Variants in INSYN2A observed in about 807,000 individuals in gnomAD.
The protein encoded by INSYN2A is inhibitory synaptic factor 2A.
A neutral mutation model predicts 39.4 loss-of-function variants in INSYN2A; 17 were observed. The ratio of observed to expected loss-of-function variants is 0.43; its 90% CI spans 0.30 to 0.65. The LOEUF is 0.65. Among genes scored for constraint, INSYN2A ranks in the 30% least tolerant of loss-of-function variants. The pLI, the probability that INSYN2A is intolerant of heterozygous loss-of-function variation, is 0.14. For synonymous variants in INSYN2A, 255 were observed against 265.7 expected, an observed-to-expected ratio of 0.96 and a Z score of 0.39; for missense variants, 595 against 631.2, an observed-to-expected ratio of 0.94 and a Z score of 0.61.
chr10:127,163,469 C>T (rs939829359), intron 4 of INSYN2A, among the ~76,000 whole-genome samples: 3 of 152,082 alleles, frequency 2.0e-5, no homozygotes, highest in African/African-American at 7.2e-5. Context: ...CAGTGCCCAC[C>T]TCAGGGCCAG....
intron 4 of INSYN2A, among the ~76,000 whole-genome samples, chr10:127,162,094 T>A (rs1162809375): frequency 6.6e-6 from 1 of 152,206 alleles, no homozygotes; most frequent in Non-Finnish European, 1.5e-5. Flanking sequence ...TGATATTGTC[T>A]GATTGGTTTC....
chr10:127,142,467 G>A (rs1454100064), intron 5 of INSYN2A, among the ~76,000 whole-genome samples: 2 of 152,166 alleles, frequency 1.3e-5, no homozygotes, highest in Admixed American at 1.3e-4. Context: ...TTACTCCTGG[G>A]GAGGAGCAGC....
chr10:127,137,079 A>C lies in INSYN2A; in HGVS notation c.*758T>G, dbSNP rs999195337. ...TGAGATCTAAGAAAACTTAGTGTCC[A>C]ATAGCTCTGACCCTGTCTACTTGCA... On this transcript the variant is annotated 3_prime_UTR_variant, in exon 6 of 6. Transcript: ENST00000522781. The C allele has an allele frequency of 6.6e-6, 1 of 152,666 alleles. No homozygotes were observed. Among genetic ancestry groups the C allele is most frequent in the Non-Finnish European group, 1.5e-5 (1 of 68,038 alleles). 9.5% of individuals were successfully genotyped at this position (152,666 alleles called of 1,614,324 possible). A position where few individuals can be genotyped will look rare whatever the true frequency, so the allele number is the denominator to read the frequency against.
Position 127,143,301 on chromosome 10 carries a change from C to T in INSYN2A, c.1257-5281G>A, listed in dbSNP as rs560755663. ...CCTTTGTCTTTGGGGTCTCTAGCCT[C>T]GACAGGGCCATGTGGCTCGGTGGCC... is the stretch of plus-strand genomic sequence containing the variant. On this transcript the variant is annotated intron_variant, in intron 5 of 5. Coordinates refer to ENST00000522781, the MANE Select transcript of INSYN2A (RefSeq NM_001039762.3). 7.2e-5 allele frequency among the ~76,000 whole-genome samples: 11 copies of T among 152,284 alleles called. No homozygotes were observed. The East Asian group carries it at 1.9e-3, about 27-fold the overall frequency.
intron 5 of INSYN2A, among the ~76,000 whole-genome samples, chr10:127,149,833 G>T (rs1338660999): frequency 6.6e-6 from 1 of 152,194 alleles, no homozygotes; most frequent in East Asian, 1.9e-4. Flanking sequence ...CAATCCCGGG[G>T]TGTTCCAGGC....
At chr10:127,163,030 T>C (rs2053727149) in intron 4 of INSYN2A, among the ~76,000 whole-genome samples, 1 of 152,132 alleles carries the variant, frequency 6.6e-6, no homozygotes, top group African/African-American at 2.4e-5. Context: ...GGGCCCGGCT[T>C]CTCTCTTCCC....
chr10:127,168,761 G>T (rs949523834), intron 4 of INSYN2A, among the ~76,000 whole-genome samples: 3 of 152,182 alleles, frequency 2.0e-5, no homozygotes, highest in Admixed American at 6.5e-5. Context: ...AGCCTGGGAA[G>T]CCAGGAAATC....
At chr10:127,161,765 G>T (rs2053612212) in intron 4 of INSYN2A, among the ~76,000 whole-genome samples, 2 of 152,132 alleles carry the variant, frequency 1.3e-5, no homozygotes, top group African/African-American at 2.4e-5. Context: ...TTGCCATGTT[G>T]TCATGGCAGG....
intron 4 of INSYN2A, among the ~76,000 whole-genome samples, chr10:127,156,873 T>C (rs536734148): frequency 2.6e-5 from 4 of 152,200 alleles, no homozygotes; most frequent in Non-Finnish European, 4.4e-5. Context: ...TGGCCCGAGA[T>C]ATTGCTCTTC....
intron 2 of INSYN2A, among the ~76,000 whole-genome samples, chr10:127,178,469 T>C (rs1378664700): frequency 6.6e-6 from 1 of 152,124 alleles, no homozygotes; most frequent in South Asian, 2.1e-4. Flanking sequence ...TCCCTCCCAG[T>C]GTGACAACTA....
At chr10:127,192,755 T>C (rs946979010) in intron 1 of INSYN2A, 25 bp from the exon 2 acceptor site, 1 of 152,216 alleles carries the variant, frequency 6.6e-6, no homozygotes, top group African/African-American at 2.4e-5. Flanking sequence ...TTATCACACA[T>C]GGTCCAAAGG....
At chr10:127,147,160 A>G (rs2051947612) in intron 5 of INSYN2A, among the ~76,000 whole-genome samples, 1 of 152,192 alleles carries the variant, frequency 6.6e-6, no homozygotes, top group Non-Finnish European at 1.5e-5. Flanking sequence ...CATTTGGGGA[A>G]GGAACTTGCC....
intron 2 of INSYN2A, among the ~76,000 whole-genome samples, chr10:127,189,887 T>G (rs1223821409): frequency 6.8e-6 from 1 of 147,246 alleles, no homozygotes; most frequent in Non-Finnish European, 1.5e-5. Context: ...AATTGGTGGG[T>G]CTGGCACAGA....
intron 4 of INSYN2A, among the ~76,000 whole-genome samples, chr10:127,170,341 C>A (rs769050833): frequency 2.6e-5 from 4 of 152,170 alleles, no homozygotes; most frequent in Non-Finnish European, 4.4e-5. Flanking sequence ...GCTCTCTCCC[C>A]CTACCCCAAG....
At position 127,176,234 on chromosome 10, in the gene INSYN2A, C is replaced by T. The variant is rs1162029657; in HGVS notation, c.162G>A (p.Glu54=). ...ALQVRFKDIC[E]AQNEQRDTQL... The stretch of plus-strand genomic sequence containing the variant: ...GTGTGTCCCTCTGCTCATTCTGTGC[C>T]TCGCAGATATCCTTAAACCGCACCT... The change falls in exon 4 of 6, where the codon GAG becomes GAA. Residue 54 remains glutamate (E), a synonymous_variant. Transcript: ENST00000522781. This position sits in a 1 kb window ranked among gnomAD's most constrained non-coding sequence, Gnocchi z 4.4. 1.7e-5 allele frequency: 28 copies of T among 1,614,036 alleles called. No individual in the cohort carries two copies. The highest frequency in any genetic ancestry group is 2.2e-5 in the Non-Finnish European group (26 of 1,180,034).
intron 2 of INSYN2A, among the ~76,000 whole-genome samples, chr10:127,191,543 G>A (rs776080946): frequency 2.6e-5 from 4 of 152,206 alleles, no homozygotes; most frequent in Non-Finnish European, 5.9e-5. Flanking sequence ...GTAGTAAGAG[G>A]TATCTAAAAT....
At chr10:127,177,288 A>G (rs1044369306) in intron 2 of INSYN2A, 149 bp from the exon 3 acceptor site, 1 of 152,196 alleles carries the variant, frequency 6.6e-6, no homozygotes. Context: ...TAATCATGCA[A>G]ATTCATCCTG....
intron 5 of INSYN2A, among the ~76,000 whole-genome samples, chr10:127,149,291 C>A (rs555743859): frequency 2.0e-4 from 31 of 152,332 alleles, no homozygotes; most frequent in African/African-American, 7.5e-4. Context: ...CAGCCCTAAC[C>A]TTGCAGGTAC....
At chr10:127,151,108 T>C (rs532700042) in intron 5 of INSYN2A, among the ~76,000 whole-genome samples, 1 of 152,326 alleles carries the variant, frequency 6.6e-6, no homozygotes, top group South Asian at 2.1e-4. Flanking sequence ...TATCATCTCT[T>C]CCTGCAGACC....
Sources: gnomAD v4.1 joint callset for allele counts (sites outside exome capture counted in the v4.1 genomes callset) on GRCh38, gnomAD v4.1.1 for gene constraint, Gnocchi (gnomAD v3.1) non-coding constraint, MANE v1.5 for transcripts, NCBI Gene and HGNC (gene_info 2026-07-23, HGNC 2026-07-21) for gene names.